NR2F1-AS1: variants seen among roughly 807,000 people sequenced by gnomAD.
NR2F1-AS1 encodes NR2F1 regulatory antisense RNA 1.
chr5:93,543,360 T>C (rs998177752), intron 4 of NR2F1-AS1: 1 of 152,164 alleles, frequency 6.6e-6, no homozygotes, highest in Non-Finnish European at 1.5e-5. Context: ...TTAAATGGCA[T>C]GATTGAAAAT....
chr5:93,428,799 G>C (rs1168662326), intron 4 of NR2F1-AS1, among the ~76,000 whole-genome samples: 1 of 152,134 alleles, frequency 6.6e-6, no homozygotes, highest in Non-Finnish European at 1.5e-5. Flanking sequence ...TTGAAGTACA[G>C]CTAGAATGCA....
chr5:93,428,949 G>T (rs979367129), intron 4 of NR2F1-AS1, among the ~76,000 whole-genome samples: 6 of 152,068 alleles, frequency 3.9e-5, no homozygotes, highest in Non-Finnish European at 8.8e-5. Flanking sequence ...CCATTAAATT[G>T]GAAGCCAAGG....
In NR2F1-AS1 at chr5:93,537,965, G is replaced by T. The variant is rs148144819; in HGVS notation, n.638+15796C>A. The stretch of plus-strand genomic sequence containing the variant: ...CTGCAGTTTCCCCACATATCTCAAA[G>T]ATGTGCATGGTAGGTGAATTGGCAT... On this transcript the variant is annotated intron_variant and non_coding_transcript_variant, in intron 4 of 5. Transcript: ENST00000660523. Among the ~76,000 whole-genome samples the T allele has an allele frequency of 2.6e-4, 39 of 152,204 alleles. 1 individual carries two copies. Among genetic ancestry groups the T allele is most frequent in the African/African-American group, 8.9e-4 (37 of 41,520 alleles).
intron 4 of NR2F1-AS1, among the ~76,000 whole-genome samples, chr5:93,418,959 T>C (rs1025697541): frequency 2.0e-5 from 3 of 152,250 alleles, no homozygotes; most frequent in Non-Finnish European, 4.4e-5. Context: ...TCCCAACCTA[T>C]GAGTTCCTCA....
chr5:93,481,848 C>A (rs1750606375), intron 4 of NR2F1-AS1, among the ~76,000 whole-genome samples: 1 of 151,964 alleles, frequency 6.6e-6, no homozygotes, highest in Non-Finnish European at 1.5e-5. Flanking sequence ...CAGAAAAATA[C>A]TTTCAGATAA....
intron 4 of NR2F1-AS1, among the ~76,000 whole-genome samples, chr5:93,533,353 C>T (rs114094220): frequency 0.015 from 2,209 of 151,948 alleles, 62 homozygotes; most frequent in African/African-American, 0.05. Flanking sequence ...ATTTCCTAGC[C>T]GCACTCAAAA....
chr5:93,536,393 G>A (rs1184124990), intron 4 of NR2F1-AS1, among the ~76,000 whole-genome samples: 1 of 151,922 alleles, frequency 6.6e-6, no homozygotes, highest in African/African-American at 2.4e-5. Flanking sequence ...TGCAATACCT[G>A]TCAAAATACC....
chr5:93,581,741 T>TCTCC (rs1561519382), upstream of NR2F1-AS1, among the ~76,000 whole-genome samples: 1 of 17,780 alleles, frequency 5.6e-5, no homozygotes, highest in African/African-American at 2.7e-4. Flanking sequence ...TCTCCCCCTC[T>TCTCC]CCCTCTCCCT....
At chr5:93,420,485 G>A (rs995687897) in intron 4 of NR2F1-AS1, among the ~76,000 whole-genome samples, 2 of 152,110 alleles carry the variant, frequency 1.3e-5, no homozygotes, top group African/African-American at 4.8e-5. Flanking sequence ...TACTGCAAAG[G>A]GTTAAACAGT....
At chr5:93,561,262 A>C (rs890532256) in intron 2 of NR2F1-AS1, among the ~76,000 whole-genome samples, 2 of 152,200 alleles carry the variant, frequency 1.3e-5, no homozygotes, top group Non-Finnish European at 2.9e-5. Context: ...CATCTCCAAA[A>C]AAAAAATAAA....
rs536294031 is a variant in NR2F1-AS1, at chr5:93,531,990, CT to C, written n.638+21770del. 1.6e-3 allele frequency among the ~76,000 whole-genome samples: 251 copies of C among 152,208 alleles called. 1 individual carries two copies. Among genetic ancestry groups the C allele is most frequent in the African/African-American group, 5.7e-3 (238 of 41,542 alleles). The stretch of plus-strand genomic sequence containing the variant: ...ATTTTAAGGAAGCCTACCTCTCTAC[CT>C]TTTTTCTTCATAAGTGTGTGTTTTC... On this transcript the variant is annotated intron_variant and non_coding_transcript_variant, in intron 4 of 5. Coordinates refer to ENST00000660523, the Ensembl canonical transcript of NR2F1-AS1.
chr5:93,484,142 A>G (rs561358051), intron 4 of NR2F1-AS1, among the ~76,000 whole-genome samples: 1 of 152,306 alleles, frequency 6.6e-6, no homozygotes, highest in African/African-American at 2.4e-5. Context: ...CCCAAGACAC[A>G]TAATTGTCAG....
upstream of NR2F1-AS1, among the ~76,000 whole-genome samples, chr5:93,582,176 C>T (rs1184647162): frequency 6.9e-6 from 1 of 143,914 alleles, no homozygotes; most frequent in Non-Finnish European, 1.5e-5. Flanking sequence ...GACTTGGCCA[C>T]ACTAATCTCC....
chr5:93,585,249 G>C (rs776195820), upstream of NR2F1-AS1: 1 of 1,569,978 alleles, frequency 6.4e-7, no homozygotes, highest in Non-Finnish European at 8.6e-7. Context: ...GGGCCCGCCC[G>C]GTTCGGGCCA....
chr5:93,533,069 GTTACC>G (rs1554069947), intron 4 of NR2F1-AS1, among the ~76,000 whole-genome samples: 1 of 152,114 alleles, frequency 6.6e-6, no homozygotes, highest in Non-Finnish European at 1.5e-5. Context: ...TTAGTCAGAC[GTTACC>G]TTACATTAGG....
chr5:93,530,075 CTTTT>C (rs1227046832), intron 4 of NR2F1-AS1, among the ~76,000 whole-genome samples: 4 of 97,908 alleles, frequency 4.1e-5, no homozygotes, highest in South Asian at 3.8e-4. Flanking sequence ...AATTTGAAGG[CTTTT>C]TTTTTTTTTT....
At chr5:93,443,141 T>C (rs1749612285) in intron 4 of NR2F1-AS1, among the ~76,000 whole-genome samples, 1 of 152,198 alleles carries the variant, frequency 6.6e-6, no homozygotes, top group African/African-American at 2.4e-5. Flanking sequence ...GCCTCTTCTC[T>C]TCCAAAGGAA....
At chr5:93,534,890 A>G (rs1281550236) in intron 4 of NR2F1-AS1, among the ~76,000 whole-genome samples, 16 of 152,198 alleles carry the variant, frequency 1.1e-4, no homozygotes, top group Admixed American at 1.0e-3. Context: ...GATCATTTCC[A>G]ATGTGGGATG....
At chr5:93,416,424 T>C (rs1016511538) in intron 4 of NR2F1-AS1, among the ~76,000 whole-genome samples, 1 of 152,232 alleles carries the variant, frequency 6.6e-6, no homozygotes, top group Non-Finnish European at 1.5e-5. Flanking sequence ...AATTCTCATA[T>C]AGAACAGAGA....
Sources: gnomAD v4.1 joint callset for allele counts (sites outside exome capture counted in the v4.1 genomes callset) on GRCh38, gnomAD v4.1.1 for gene constraint, MANE v1.5 for transcripts, NCBI Gene and HGNC (gene_info 2026-07-23, HGNC 2026-07-21) for gene names.